The following TASOR2 variants were observed in gnomAD, a reference collection of about 807,000 sequenced individuals.
TASOR2 encodes transcription activation suppressor family member 2.
In TASOR2, 84 loss-of-function variants were observed where a neutral mutation model predicts 199.5. The observed-to-expected ratio is 0.42, with a 90% CI of 0.35 to 0.50. The LOEUF is 0.50. Among genes scored for constraint, TASOR2 ranks in the 20% least tolerant of loss-of-function variants. TASOR2 has a pLI of 0.02. For missense variants in TASOR2, 2,796 were observed against 2,835.9 expected (o/e 0.99, Z 0.32); for synonymous variants, 1,103 against 1,046.6 (o/e 1.05, Z -1.04).
At chr10:5,733,734 G>A (rs1835172119) in intron 11 of TASOR2, among the ~76,000 whole-genome samples, 1 of 152,032 alleles carries the variant, frequency 6.6e-6, no homozygotes, top group Non-Finnish European at 1.5e-5. Context: ...GGTCTTGGTT[G>A]TCTAATCTTT....
intron 1 of TASOR2, among the ~76,000 whole-genome samples, chr10:5,694,262 G>T (rs1199944462): frequency 1.3e-5 from 2 of 152,190 alleles, no homozygotes; most frequent in Non-Finnish European, 2.9e-5. Flanking sequence ...ACTTGTCCAT[G>T]GCCAGGAGGG....
intron 14 of TASOR2, among the ~76,000 whole-genome samples, chr10:5,744,230 A>G (rs1836838976): frequency 6.6e-6 from 1 of 152,142 alleles, no homozygotes; most frequent in African/African-American, 2.4e-5. Context: ...GACTCTCAAG[A>G]CTTTTCTAAT....
chr10:5,745,753 T>C (rs1456075397), intron 14 of TASOR2, among the ~76,000 whole-genome samples: 1 of 152,096 alleles, frequency 6.6e-6, no homozygotes, highest in Non-Finnish European at 1.5e-5. Flanking sequence ...CACTGCAGCC[T>C]GTTCGATAAA....
At chr10:5,714,705 TA>T (rs1301336222) in intron 2 of TASOR2, 2 of 152,242 alleles carry the variant, frequency 1.3e-5, no homozygotes, top group Non-Finnish European at 2.9e-5. Flanking sequence ...TAAAACAGAT[TA>T]AACTACTTTA....
rs1376838408 is a variant in TASOR2 at position 5,754,384 on chromosome 10, G to T, written c.6607-2229G>T. Among the ~76,000 whole-genome samples, 1 of 151,954 alleles carries T rather than the reference G, an allele frequency of 6.6e-6. No homozygotes were observed. The highest frequency in any genetic ancestry group is 1.5e-5 in the Non-Finnish European group (1 of 67,966). On this transcript the variant is annotated intron_variant, in intron 15 of 20. Coordinates refer to ENST00000328090, the Ensembl canonical transcript of TASOR2. This position sits in a 1 kb window ranked among gnomAD's most constrained non-coding sequence, Gnocchi z 4.3. The stretch of plus-strand genomic sequence containing the variant: ...GCAATGCTAAGTTTTATTCATAGCA[G>T]AAGTACTTTTTTTTTTTTAATTGAG...
exon 15 of TASOR2, chr10:5,749,929 C>T (rs1837788260): frequency 1.2e-6 from 2 of 1,614,016 alleles, no homozygotes; most frequent in East Asian, 2.2e-5. Context: ...CACCAATTTG[C>T]ACGTCAAACT....
chr10:5,709,809 C>T (rs1831680421), intron 1 of TASOR2: 5 of 684,982 alleles, frequency 7.3e-6, no homozygotes, highest in Middle Eastern at 4.7e-4. Flanking sequence ...TTAAAATAAT[C>T]ATTAGTCCAA....
intron 1 of TASOR2, among the ~76,000 whole-genome samples, chr10:5,704,854 C>T (rs2131529931): frequency 6.6e-6 from 1 of 152,166 alleles, no homozygotes; most frequent in Non-Finnish European, 1.5e-5. Flanking sequence ...AAACATGAGG[C>T]TTTTGAGATT....
chr10:5,762,351 G>A (rs2797499), intron 19 of TASOR2, among the ~76,000 whole-genome samples, 181 bp from the exon 21 acceptor site: 1,727 of 150,598 alleles, frequency 0.011, 44 homozygotes, highest in African/African-American at 0.04. Flanking sequence ...CACCACCCCC[G>A]ATGGAGGCAT....
chr10:5,761,390 T>A lies in TASOR2; in HGVS notation c.7093T>A (p.Ser2365Thr), dbSNP rs754357976. 3.2e-5 allele frequency: 52 copies of A among 1,613,892 alleles called. No individual in the cohort carries two copies. The Admixed American group carries it at 8.7e-4, about 27-fold the overall frequency. Reference sequence around the variant, plus strand: ...TTATCACCAGTGTGACTCTCGATCATCAACAAAAGCAGAAATTCTGAAATG... The same window carrying A: ...TTATCACCAGTGTGACTCTCGATCAACAACAAAAGCAGAAATTCTGAAATG... The change falls in exon 19 of 21, where the codon TCA (serine) becomes ACA (threonine). Residue 2365 changes from serine (S) to threonine (T), a missense_variant. Physicochemically the swap from Ser to Thr is moderately conservative, Grantham distance 58. Around this residue, in one of 3 missense-constraint regions of TASOR2, gnomAD observed 1,941 missense variants for 1,924.9 expected, o/e 1.01. Transcript: ENST00000328090.
chr10:5,756,103 G>A (rs1838898677), intron 15 of TASOR2, among the ~76,000 whole-genome samples: 1 of 152,156 alleles, frequency 6.6e-6, no homozygotes. Context: ...CATTCTGTGT[G>A]TTGATTGTAC....
At chr10:5,747,054 C>A in exon 15 of TASOR2, 5 of 1,614,156 alleles carry the variant, frequency 3.1e-6, no homozygotes, top group Non-Finnish European at 4.2e-6. Flanking sequence ...CATCATCAGC[C>A]TCTACCACCT....
intron 1 of TASOR2, among the ~76,000 whole-genome samples, chr10:5,708,927 C>T (rs927367145): frequency 6.6e-6 from 1 of 152,030 alleles, no homozygotes; most frequent in Non-Finnish European, 1.5e-5. Flanking sequence ...GTCTCAAGCT[C>T]CTGAGTTCAA....
At chr10:5,721,554 G>A (rs1056908375) in intron 6 of TASOR2, among the ~76,000 whole-genome samples, 18 of 150,892 alleles carry the variant, frequency 1.2e-4, no homozygotes, top group Non-Finnish European at 1.9e-4. Flanking sequence ...TTTTCCTATC[G>A]GCCTTTTTTA....
At chr10:5,756,215 A>G (rs1838924602) in intron 15 of TASOR2, among the ~76,000 whole-genome samples, 1 of 152,194 alleles carries the variant, frequency 6.6e-6, no homozygotes, top group Non-Finnish European at 1.5e-5. Context: ...CTCCAAAATC[A>G]GTCCCCTTTA....
At chr10:5,753,393 C>T (rs1004677629) in intron 15 of TASOR2, among the ~76,000 whole-genome samples, 1 of 152,138 alleles carries the variant, frequency 6.6e-6, no homozygotes, top group Admixed American at 6.5e-5. Context: ...GACAGAGTCT[C>T]GCTCTGTCAC....
chr10:5,747,684 T>A (rs774266420), exon 15 of TASOR2: 9 of 1,614,058 alleles, frequency 5.6e-6, no homozygotes, highest in Middle Eastern at 1.6e-4. Flanking sequence ...AGGCTGTGAC[T>A]CCATGCATTT....
chr10:5,726,847 G>A (rs1834113061), intron 8 of TASOR2, 38 bp from the exon 10 acceptor site: 4 of 1,567,330 alleles, frequency 2.6e-6, no homozygotes, highest in Non-Finnish European at 3.5e-6. Flanking sequence ...AGGGATTGCA[G>A]AATATTCCTT....
chr10:5,742,855 T>C lies in TASOR2; in HGVS notation c.2757+329T>C, dbSNP rs529085442. On this transcript the variant is annotated intron_variant, in intron 14 of 20. Coordinates refer to ENST00000328090, the Ensembl canonical transcript of TASOR2. This position sits in a 1 kb window ranked among gnomAD's most constrained non-coding sequence, Gnocchi z 4.2. Reference sequence around the variant, plus strand: ...GTGACTTAATACCTATCAAGTCTTATGTAGAATATTGTTTAAGGATCAAAT... The same window carrying C: ...GTGACTTAATACCTATCAAGTCTTACGTAGAATATTGTTTAAGGATCAAAT... 1.3e-5 allele frequency among the ~76,000 whole-genome samples: 2 copies of C among 152,344 alleles called. No homozygotes were observed. The highest frequency in any genetic ancestry group is 4.8e-5 in the African/African-American group (2 of 41,578).
Sources: gnomAD v4.1 joint callset for allele counts (sites outside exome capture counted in the v4.1 genomes callset) on GRCh38, gnomAD v4.1.1 for gene constraint, gnomAD v4.1.1 regional missense constraint, Gnocchi (gnomAD v3.1) non-coding constraint, MANE v1.5 for transcripts, NCBI Gene and HGNC (gene_info 2026-07-23, HGNC 2026-07-21) for gene names.